The following HACL1 variants were observed in gnomAD, a reference collection of about 807,000 sequenced individuals.
The protein encoded by HACL1 is 1600020H07Rik.
HACL1 carries 64 observed loss-of-function variants against 74.2 expected under a neutral mutation model. That is an observed-to-expected ratio of 0.86 (90% confidence interval 0.70 to 1.06). HACL1 has a LOEUF of 1.06. HACL1 is among the 50% of genes least tolerant of loss of function. HACL1 has a pLI of 0.00. For synonymous variants in HACL1, 230 were observed against 238.8 expected, an observed-to-expected ratio of 0.96 and a Z score of 0.34; for missense variants, 728 against 719.7, an observed-to-expected ratio of 1.01 and a Z score of -0.13.
Position 15,591,961 on chromosome 3 carries a change from C to T in HACL1, c.228-281G>A, listed in dbSNP as rs532741216. 1.8e-4 allele frequency among the ~76,000 whole-genome samples: 27 copies of T among 147,942 alleles called. 1 individual carries two copies. In the South Asian group the frequency reaches 5.7e-3, roughly 31 times the overall value. On this transcript the variant is annotated intron_variant, in intron 3 of 16. Coordinates refer to ENST00000321169, the MANE Select transcript of HACL1 (RefSeq NM_012260.4). The stretch of plus-strand genomic sequence containing the variant: ...CGTGTATATATACACACACTATATA[C>T]ATAGTGTATATATATACACACTATA...
At position 15,566,496 on chromosome 3, in the gene HACL1, A is replaced by T. The variant is rs573856868; in HGVS notation, c.1409+1348T>A. On this transcript the variant is annotated intron_variant, in intron 14 of 16. Transcript: ENST00000321169. ...TGGCAAAGCCCTGTCTCTACAAAAA[A>T]ATACAAAAAATTAGCTGGGCATGGT... 1.5e-4 allele frequency among the ~76,000 whole-genome samples: 23 copies of T among 152,300 alleles called. No individual in the cohort carries two copies. The East Asian group carries it at 3.9e-3, about 26-fold the overall frequency.
chr3:15,599,574 A>T (rs982436255), intron 2 of HACL1, among the ~76,000 whole-genome samples: 5 of 152,026 alleles, frequency 3.3e-5, no homozygotes, highest in African/African-American at 9.7e-5. Context: ...CCTACCTACC[A>T]GTCTCACAGC....
At chr3:15,580,993 C>A (rs1055803252) in intron 8 of HACL1, among the ~76,000 whole-genome samples, 9 of 152,232 alleles carry the variant, frequency 5.9e-5, no homozygotes, top group Non-Finnish European at 1.2e-4. Context: ...CCTCCACCTC[C>A]CGGGTTCAAG....
chr3:15,570,734 C>T (rs1384629357), intron 12 of HACL1, among the ~76,000 whole-genome samples: 1 of 151,948 alleles, frequency 6.6e-6, no homozygotes, highest in African/African-American at 2.4e-5. Context: ...CTAGTATCAT[C>T]ACTACAATTT....
intron 16 of HACL1, among the ~76,000 whole-genome samples, chr3:15,563,014 G>T (rs2063370244): frequency 6.6e-6 from 1 of 152,060 alleles, no homozygotes; most frequent in Non-Finnish European, 1.5e-5. Flanking sequence ...TGATTCCTTT[G>T]TGGTACGTTT....
At position 15,582,974 on chromosome 3, in the gene HACL1, G is replaced by A; in HGVS notation, c.570C>T (p.Cys190=). 1.3e-6 allele frequency: 2 copies of A among 1,595,824 alleles called. No individual in the cohort carries two copies. Among genetic ancestry groups the A allele is most frequent in the East Asian group, 4.5e-5 (2 of 44,714 alleles). ...CTGCCATGCTAATAGGAGGTGACAT[G>A]CAGCGTTCCATGTACCTGGAAAAAA... ...NVNSIKYMER[C]MSPPISMAET... is the part of the protein sequence containing the mutation. The change falls in exon 8 of 17, where the codon TGC becomes TGT. Residue 190 remains cysteine, a synonymous_variant. Coordinates refer to ENST00000321169, the MANE Select transcript of HACL1 (RefSeq NM_012260.4).
In HACL1 at chr3:15,585,351, A is replaced by G; in HGVS notation, c.460-9T>C. On this transcript the variant is annotated splice_polypyrimidine_tract_variant and intron_variant, in intron 6 of 16. Coordinates refer to ENST00000321169, the MANE Select transcript of HACL1 (RefSeq NM_012260.4). Reference sequence around the variant, plus strand: ...ATACTGCTTCTCACTGCCTACGTTCATTACAAGTAGAAGAAAAGATTTGTA... The same window carrying G: ...ATACTGCTTCTCACTGCCTACGTTCGTTACAAGTAGAAGAAAAGATTTGTA... 1 of 1,459,946 alleles carries G rather than the reference A, an allele frequency of 6.8e-7. No individual in the cohort carries two copies. The highest frequency in any genetic ancestry group is 2.3e-5 in the East Asian group (1 of 43,984). 90.4% of individuals were successfully genotyped at this position (1,459,946 alleles called of 1,614,324 possible).
At position 15,601,506 on chromosome 3, in the gene HACL1, A is replaced by C. The variant is rs372127289; in HGVS notation, c.-43T>G. 2 of 1,609,798 alleles carry C rather than the reference A, an allele frequency of 1.2e-6. No homozygotes were observed. Among genetic ancestry groups the C allele is most frequent in the African/African-American group, 1.3e-5 (1 of 74,930 alleles). On this transcript the variant is annotated 5_prime_UTR_variant, in exon 1 of 17. Coordinates refer to ENST00000321169, the MANE Select transcript of HACL1 (RefSeq NM_012260.4). ...TAAGCACTCACGCAGCCGGCAAACA[A>C]GCGGAATCATCCAGCAAGGCAAACG...
Position 15,579,957 on chromosome 3 carries a change from A to T in HACL1, c.756T>A (p.Gly252=). 6.2e-7 allele frequency: 1 copy of T among 1,610,602 alleles called. No homozygotes were observed. Among genetic ancestry groups the T allele is most frequent in the Non-Finnish European group, 8.5e-7 (1 of 1,176,908 alleles). The change falls in exon 9 of 17, where the codon GGT becomes GGA. Residue 252 remains glycine (G), a synonymous_variant. Coordinates refer to ENST00000321169, the MANE Select transcript of HACL1 (RefSeq NM_012260.4). The stretch of plus-strand genomic sequence containing the variant: ...AGTATGGATGGTTGTCAGGGACAAC[A>T]CCCTTCCCCATAGGGGTGGGCAAAA... ...LPFLPTPMGK[G]VVPDNHPYCV...
intron 3 of HACL1, among the ~76,000 whole-genome samples, chr3:15,592,523 T>C (rs1372275020): frequency 4.1e-5 from 6 of 145,482 alleles, no homozygotes; most frequent in South Asian, 2.1e-4. Context: ...CTTGTATACA[T>C]ATACACATGT....
In HACL1 at chr3:15,574,899, T is replaced by C. The variant is rs916131853; in HGVS notation, c.909+78A>G. On this transcript the variant is annotated intron_variant, in intron 10 of 16. Coordinates refer to ENST00000321169, the MANE Select transcript of HACL1 (RefSeq NM_012260.4). The stretch of plus-strand genomic sequence containing the variant: ...GTTTTTTTAATAGTAATCAAGAAGA[T>C]AACAGAGCTGATTACGGCTGATAGG... The C allele has an allele frequency of 9.2e-6, 6 of 655,148 alleles. No individual in the cohort carries two copies. The Admixed American group carries it at 1.1e-4, about 12-fold the overall frequency. 40.6% of individuals were successfully genotyped at this position (655,148 alleles called of 1,614,324 possible).
At chr3:15,574,027 A>T (rs1388823696) in intron 10 of HACL1, among the ~76,000 whole-genome samples, 1 of 152,172 alleles carries the variant, frequency 6.6e-6, no homozygotes, top group Non-Finnish European at 1.5e-5. Context: ...ACTCCTTAAG[A>T]AGTAAAAGGT....
chr3:15,571,307 T>C (rs993029299), intron 12 of HACL1, among the ~76,000 whole-genome samples: 3 of 152,188 alleles, frequency 2.0e-5, no homozygotes, highest in African/African-American at 7.2e-5. Flanking sequence ...ACCCATCCAC[T>C]TCCACTATTA....
chr3:15,589,672 AAC>A, intron 4 of HACL1, 60 bp from the exon 5 acceptor site: 3 of 957,382 alleles, frequency 3.1e-6, no homozygotes, highest in South Asian at 1.3e-5. Context: ...TAAAACACTA[AAC>A]ACAGTGTCTA....
chr3:15,568,057 G>C lies in HACL1; in HGVS notation c.1251-55C>G, dbSNP rs1434704495. The C allele has an allele frequency of 1.2e-5, 17 of 1,458,432 alleles. No homozygotes were observed. The East Asian group carries it at 3.6e-4, about 31-fold the overall frequency. 90.3% of individuals were successfully genotyped at this position (1,458,432 alleles called of 1,614,324 possible). A position where few individuals can be genotyped will look rare whatever the true frequency, so the allele number is the denominator to read the frequency against. Reference sequence around the variant, plus strand: ...CTCTGGGGCATGTCATAGAGGATGGGATTGGCACAAACCTTCTAGTCATAT... The same window carrying C: ...CTCTGGGGCATGTCATAGAGGATGGCATTGGCACAAACCTTCTAGTCATAT... On this transcript the variant is annotated intron_variant, in intron 13 of 16. Coordinates refer to ENST00000321169, the MANE Select transcript of HACL1 (RefSeq NM_012260.4).
At chr3:15,596,508 C>A (rs1201995046) in intron 2 of HACL1, 84 bp from the exon 3 acceptor site, 6 of 798,032 alleles carry the variant, frequency 7.5e-6, no homozygotes, top group Non-Finnish European at 1.3e-5. Flanking sequence ...AAATAATAGA[C>A]AAGAACATAG....
intron 3 of HACL1, among the ~76,000 whole-genome samples, chr3:15,592,035 ATATATACACACAC>A (rs1463620437): frequency 4.3e-5 from 5 of 115,292 alleles, no homozygotes; most frequent in African/African-American, 1.3e-4. Context: ...CTACATACGT[ATATATACACACAC>A]TATATACGTA....
intron 2 of HACL1, among the ~76,000 whole-genome samples, chr3:15,599,219 C>T (rs1466127301): frequency 6.6e-6 from 1 of 152,216 alleles, no homozygotes; most frequent in Non-Finnish European, 1.5e-5. Flanking sequence ...CCCCTTAAAG[C>T]CAGGAACTAT....
intron 6 of HACL1, 113 bp downstream of exon 6, chr3:15,586,412 T>A (rs1241444712): frequency 3.3e-6 from 2 of 612,112 alleles, no homozygotes; most frequent in Admixed American, 3.4e-5. Context: ...CATTTTTAAC[T>A]GCCTGGGTAT....
Sources: allele counts gnomAD v4.1 joint callset (sites outside exome capture counted in the v4.1 genomes callset), GRCh38; gene constraint gnomAD v4.1.1; transcripts MANE v1.5; gene names NCBI Gene and HGNC (gene_info 2026-07-23, HGNC 2026-07-21).